The following SLC27A2 variants were observed in gnomAD, a reference collection of about 807,000 sequenced individuals.
SLC27A2 encodes solute carrier family 27 member 2.
Under a neutral mutation model 60.0 loss-of-function variants are expected in SLC27A2, and 54 were observed. The ratio of observed to expected loss-of-function variants is 0.90; its 90% CI spans 0.72 to 1.13. The LOEUF (loss-of-function observed/expected upper bound fraction) is 1.13, where lower values mean the gene tolerates loss of function less well. SLC27A2 is among the 50% of genes most tolerant of loss of function. The pLI is 0.00. For missense variants in SLC27A2, 739 were observed against 777.6 expected (o/e 0.95, Z 0.59); for synonymous variants, 297 against 297.6 (o/e 1.00, Z 0.02).
intron 1 of SLC27A2, among the ~76,000 whole-genome samples, chr15:50,192,709 T>A (rs867395506): frequency 1.3e-5 from 2 of 150,922 alleles, no homozygotes; most frequent in African/African-American, 4.9e-5. Context: ...CACATCCGGC[T>A]AATATTTCTT....
intron 9 of SLC27A2, among the ~76,000 whole-genome samples, chr15:50,235,629 C>CA (rs887761076): frequency 2.6e-5 from 4 of 152,194 alleles, no homozygotes; most frequent in Non-Finnish European, 4.4e-5. Flanking sequence ...GCCCCTACCA[C>CA]AAAAATGATA....
intron 1 of SLC27A2, among the ~76,000 whole-genome samples, chr15:50,190,805 C>T (rs1198275581): frequency 1.4e-4 from 21 of 151,828 alleles, no homozygotes; most frequent in Admixed American, 9.8e-4. Context: ...GATGAAGAAC[C>T]GACTGATGGA....
At chr15:50,212,247 C>A (rs2045163753) in intron 4 of SLC27A2, among the ~76,000 whole-genome samples, 1 of 151,762 alleles carries the variant, frequency 6.6e-6, no homozygotes, top group South Asian at 2.1e-4. Flanking sequence ...TAAATAAAGA[C>A]AAAGAAAAAA....
At chr15:50,224,300 CAT>C (rs1379173317) in intron 5 of SLC27A2, among the ~76,000 whole-genome samples, 1 of 152,062 alleles carries the variant, frequency 6.6e-6, no homozygotes, top group Non-Finnish European at 1.5e-5. Flanking sequence ...ATTAGCCGGG[CAT>C]GGTGGCGGGA....
chr15:50,211,092 C>A (rs1348616188), intron 4 of SLC27A2, among the ~76,000 whole-genome samples: 1 of 152,158 alleles, frequency 6.6e-6, no homozygotes, highest in East Asian at 1.9e-4. Flanking sequence ...CTTAGGAATT[C>A]TAGGGCCCTG....
chr15:50,212,704 A>G (rs574379480), intron 4 of SLC27A2, among the ~76,000 whole-genome samples: 1 of 152,364 alleles, frequency 6.6e-6, no homozygotes, highest in South Asian at 2.1e-4. Flanking sequence ...TCATATATGA[A>G]GAAAAGATAC....
In SLC27A2 at chr15:50,182,662, C is replaced by G. The variant is rs2044870602; in HGVS notation, c.235C>G (p.Leu79Val). Reference protein sequence around the residue: ...KPFLLFRDETLTYAQVDRRSN... With the variant: ...KPFLLFRDETVTYAQVDRRSN... ...TTTTCTGCTCTTCCGCGACGAGACT[C>G]TCACCTACGCGCAGGTGGACCGGCG... Residue 79 changes from leucine (L) to valine (V), a missense_variant, in exon 1 of 10, where the codon CTC becomes GTC. Transcript: ENST00000267842. 3 of 1,613,884 alleles carry G rather than the reference C, an allele frequency of 1.9e-6. No individual in the cohort carries two copies. The highest frequency in any genetic ancestry group is 2.5e-6 in the Non-Finnish European group (3 of 1,179,938).
intron 4 of SLC27A2, among the ~76,000 whole-genome samples, chr15:50,219,980 A>G (rs769153198): frequency 6.6e-6 from 1 of 152,198 alleles, no homozygotes; most frequent in Non-Finnish European, 1.5e-5. Context: ...CCCTATGGGA[A>G]AGGAAAACTT....
At chr15:50,223,624 T>G (rs1456327586) in intron 5 of SLC27A2, among the ~76,000 whole-genome samples, 1 of 152,188 alleles carries the variant, frequency 6.6e-6, no homozygotes, top group Non-Finnish European at 1.5e-5. Flanking sequence ...ATCTCAGTGC[T>G]AGGATCTGGT....
rs867889904 is a variant in SLC27A2 at position 50,216,630 on chromosome 15, A to G, written c.973-6335A>G. 1.5e-3 allele frequency among the ~76,000 whole-genome samples: 189 copies of G among 122,106 alleles called. 7 individuals carry two copies. Among genetic ancestry groups the G allele is most frequent in the Middle Eastern group, 8.0e-3 (2 of 250 alleles). The allele number at this position is 122,106 out of a possible 152,430, so 80.1% of individuals were successfully genotyped here. On this transcript the variant is annotated intron_variant, in intron 4 of 9. Transcript: ENST00000267842. ...TGTGTGTATATATATATATATATATATATATATATATATATATATATATAT... is the reference window on the plus strand; with the variant it reads ...TGTGTGTATATATATATATATATATGTATATATATATATATATATATATAT...
At position 50,197,541 on chromosome 15, in the gene SLC27A2, A is replaced by G; in HGVS notation, c.520A>G (p.Lys174Glu). Residue 174 changes from lysine to glutamate, a missense_variant, in exon 2 of 10, where the codon AAA becomes GAA. Coordinates refer to ENST00000267842, the MANE Select transcript of SLC27A2 (RefSeq NM_003645.4). The part of the protein sequence containing the change: ...AVEEILPSLK[K>E]DDVSIYYVSR... ...CGAAGAGATACTGCCAAGCCTTAAAAAAGATGATGTGTCCATCTATTATGT... is the reference window on the plus strand; with the variant it reads ...CGAAGAGATACTGCCAAGCCTTAAAGAAGATGATGTGTCCATCTATTATGT... 1 of 1,614,108 alleles carries G rather than the reference A, an allele frequency of 6.2e-7. No individual in the cohort carries two copies. Among genetic ancestry groups the G allele is most frequent in the South Asian group, 1.1e-5 (1 of 91,078 alleles).
chr15:50,202,831 C>T (rs2045075806), intron 3 of SLC27A2, among the ~76,000 whole-genome samples, 186 bp downstream of exon 3: 1 of 152,036 alleles, frequency 6.6e-6, no homozygotes. Context: ...TCATGCCTGC[C>T]TATCTAATAA....
intron 4 of SLC27A2, among the ~76,000 whole-genome samples, chr15:50,219,698 G>C (rs777331114): frequency 4.6e-5 from 7 of 151,944 alleles, no homozygotes; most frequent in African/African-American, 1.7e-4. Flanking sequence ...CCTTTCATAG[G>C]GTTCTTTAGA....
chr15:50,182,240 C>A lies in SLC27A2; in HGVS notation c.-188C>A. On this transcript the variant is annotated 5_prime_UTR_variant, in exon 1 of 10. Transcript: ENST00000267842. ...GGCAACGCGCATACGACTACACCTG[C>A]TCCGGAGCCCGCGGCGGTACCTGCA... The A allele has an allele frequency of 1.0e-6, 1 of 956,570 alleles. No individual in the cohort carries two copies. Among genetic ancestry groups the A allele is most frequent in the Non-Finnish European group, 1.4e-6 (1 of 728,440 alleles). 59.3% of individuals were successfully genotyped at this position (956,570 alleles called of 1,614,324 possible). A position where few individuals can be genotyped will look rare whatever the true frequency, so the allele number is the denominator to read the frequency against.
At chr15:50,214,231 GA>G (rs2045179233) in intron 4 of SLC27A2, among the ~76,000 whole-genome samples, 1 of 151,874 alleles carries the variant, frequency 6.6e-6, no homozygotes, top group Admixed American at 6.6e-5. Context: ...TACATTCCTG[GA>G]AAAAATACAA....
At chr15:50,216,893 T>C (rs1595689260) in intron 4 of SLC27A2, among the ~76,000 whole-genome samples, 1 of 147,080 alleles carries the variant, frequency 6.8e-6, no homozygotes, top group East Asian at 1.9e-4. Context: ...ATATATATAT[T>C]CCAAAAAATA....
intron 8 of SLC27A2, among the ~76,000 whole-genome samples, chr15:50,233,255 G>T (rs2045328020): frequency 6.6e-6 from 1 of 152,164 alleles, no homozygotes; most frequent in South Asian, 2.1e-4. Context: ...AGATAAGTAG[G>T]TCTCCAAGGT....
intron 2 of SLC27A2, 78 bp from the exon 3 acceptor site, chr15:50,202,409 T>A: frequency 6.8e-7 from 1 of 1,463,560 alleles, no homozygotes; most frequent in Non-Finnish European, 9.5e-7. Flanking sequence ...TGATGAATCT[T>A]CCTAAGCCAG....
Position 50,205,117 on chromosome 15 carries a change from A to T in SLC27A2, c.848-122A>T, listed in dbSNP as rs569688539. On this transcript the variant is annotated intron_variant, in intron 3 of 9. Coordinates refer to ENST00000267842, the MANE Select transcript of SLC27A2 (RefSeq NM_003645.4). The stretch of plus-strand genomic sequence containing the variant: ...TTTGCATTTGAATATAAGGTACTCA[A>T]TACTTGTTTGCAAATATAATTTATT... 3.4e-5 allele frequency: 42 copies of T among 1,237,432 alleles called. 1 individual carries two copies. In the South Asian group the frequency reaches 6.9e-4, roughly 20 times the overall value. The allele number at this position is 1,237,432 out of a possible 1,614,324, so 76.7% of individuals were successfully genotyped here.
Sources: gnomAD v4.1 joint callset for allele counts (sites outside exome capture counted in the v4.1 genomes callset) on GRCh38, gnomAD v4.1.1 for gene constraint, MANE v1.5 for transcripts, NCBI Gene and HGNC (gene_info 2026-07-23, HGNC 2026-07-21) for gene names.